The following PPM1H variants were observed in gnomAD, a reference collection of about 807,000 sequenced individuals.
The protein encoded by PPM1H is protein phosphatase 1H.
Under a neutral mutation model 54.9 loss-of-function variants are expected in PPM1H, and 27 were observed. The observed-to-expected ratio is 0.49, with a 90% CI of 0.36 to 0.68. PPM1H has a LOEUF of 0.68. Ranked by LOEUF, PPM1H falls within the 30% of genes least tolerant of loss-of-function variation. The pLI is 0.00. For missense variants in PPM1H, 596 were observed against 667.8 expected (o/e 0.89, Z 1.19); for synonymous variants, 305 against 270.8 (o/e 1.13, Z -1.24).
At chr12:62,734,274 T>C (rs1215929694) in intron 5 of PPM1H, among the ~76,000 whole-genome samples, 5 of 152,186 alleles carry the variant, frequency 3.3e-5, no homozygotes, top group Admixed American at 3.3e-4. Context: ...ATTAATTCTG[T>C]TGTTTATTAA....
At chr12:62,818,170 A>G (rs191570019) in intron 2 of PPM1H, among the ~76,000 whole-genome samples, 2 of 152,310 alleles carry the variant, frequency 1.3e-5, no homozygotes, top group African/African-American at 2.4e-5. Context: ...ATGTAAGTAC[A>G]CGCACTTCTT....
At chr12:62,861,961 C>T (rs1261225359) in intron 1 of PPM1H, among the ~76,000 whole-genome samples, 1 of 152,208 alleles carries the variant, frequency 6.6e-6, no homozygotes, top group Non-Finnish European at 1.5e-5. Flanking sequence ...CAAAATAATG[C>T]TTATGTGCAA....
chr12:62,771,252 G>T (rs1036705733), intron 4 of PPM1H, among the ~76,000 whole-genome samples: 6 of 146,772 alleles, frequency 4.1e-5, no homozygotes, highest in African/African-American at 1.5e-4. Context: ...AGGCTGCCCA[G>T]TGTGTCCCAA....
At chr12:62,717,353 G>A (rs1296254256) in intron 6 of PPM1H, among the ~76,000 whole-genome samples, 1 of 152,140 alleles carries the variant, frequency 6.6e-6, no homozygotes, top group Non-Finnish European at 1.5e-5. Context: ...GCCATTCTCA[G>A]TTGTGGCTCC....
intron 4 of PPM1H, among the ~76,000 whole-genome samples, chr12:62,754,824 CAAATT>C (rs1301702513): frequency 6.6e-6 from 1 of 152,152 alleles, no homozygotes; most frequent in Non-Finnish European, 1.5e-5. Flanking sequence ...TAAAAATAAA[CAAATT>C]AAAAACAGTC....
At chr12:62,728,745 A>G (rs565722015) in intron 5 of PPM1H, among the ~76,000 whole-genome samples, 1 of 152,222 alleles carries the variant, frequency 6.6e-6, no homozygotes, top group East Asian at 1.9e-4. Context: ...CAAGGAAAAA[A>G]GGGTAGCCGG....
chr12:62,792,634 G>C (rs2076707064), intron 3 of PPM1H, among the ~76,000 whole-genome samples: 1 of 152,118 alleles, frequency 6.6e-6, no homozygotes, highest in South Asian at 2.1e-4. Flanking sequence ...CCCCCTGAAG[G>C]ATTCACTGTC....
intron 3 of PPM1H, among the ~76,000 whole-genome samples, chr12:62,789,026 T>C (rs772811759): frequency 1.3e-5 from 2 of 149,390 alleles, no homozygotes; most frequent in Non-Finnish European, 3.0e-5. Context: ...GCGCCCAGCC[T>C]TGTCTTTTTA....
intron 5 of PPM1H, among the ~76,000 whole-genome samples, chr12:62,729,396 G>C (rs557232267): frequency 3.3e-5 from 5 of 152,320 alleles, no homozygotes; most frequent in African/African-American, 9.6e-5. Flanking sequence ...TGCAGACATT[G>C]GCACCAAAGA....
intron 1 of PPM1H, among the ~76,000 whole-genome samples, chr12:62,896,597 A>C (rs1268117981): frequency 1.3e-5 from 2 of 152,196 alleles, no homozygotes; most frequent in African/African-American, 4.8e-5. Context: ...AAGTCAGGAA[A>C]CAACAGGTGC....
At chr12:62,846,054 A>T (rs909024673) in intron 1 of PPM1H, among the ~76,000 whole-genome samples, 4 of 152,164 alleles carry the variant, frequency 2.6e-5, no homozygotes, top group Non-Finnish European at 5.9e-5. Context: ...CACATCCAGC[A>T]GGCACCAATA....
intron 4 of PPM1H, among the ~76,000 whole-genome samples, chr12:62,767,596 C>T (rs537121018): frequency 3.9e-5 from 6 of 152,286 alleles, no homozygotes; most frequent in African/African-American, 1.4e-4. Flanking sequence ...CTTCCAAAGC[C>T]ATCCTGGTTT....
intron 5 of PPM1H, among the ~76,000 whole-genome samples, chr12:62,735,750 G>A (rs2076346313): frequency 6.6e-6 from 1 of 152,206 alleles, no homozygotes; most frequent in Non-Finnish European, 1.5e-5. Flanking sequence ...AGGAGGATTA[G>A]GGGACACTTT....
chr12:62,683,033 T>TTTTTTA lies in PPM1H; in HGVS notation c.1245+6665_1245+6666insTAAAAA, dbSNP rs1491110813. Among the ~76,000 whole-genome samples, 756 of 133,666 alleles carry TTTTTTA rather than the reference T, an allele frequency of 5.7e-3. 2 individuals carry two copies. Among genetic ancestry groups the TTTTTTA allele is most frequent in the Middle Eastern group, 0.023 (6 of 258 alleles). 87.7% of individuals were successfully genotyped at this position (133,666 alleles called of 152,430 possible). The stretch of plus-strand genomic sequence containing the variant: ...ATACTACATTTGGGAGAGTTTATTA[T>TTTTTTA]TTATTATTATTATTATTATTATTAT... On this transcript the variant is annotated intron_variant, in intron 8 of 9. Transcript: ENST00000228705.
chr12:62,867,562 C>CTTTTTTTTTTTTT (rs1481926545), intron 1 of PPM1H, among the ~76,000 whole-genome samples: 2 of 101,870 alleles, frequency 2.0e-5, no homozygotes, highest in South Asian at 3.1e-4. Flanking sequence ...CTTATGAGCA[C>CTTTTTTTTTTTTT]TATTTTTTTT....
chr12:62,854,884 G>A (rs1199660645), intron 1 of PPM1H, among the ~76,000 whole-genome samples: 1 of 152,102 alleles, frequency 6.6e-6, no homozygotes, highest in Non-Finnish European at 1.5e-5. Flanking sequence ...AGAAGAGGGA[G>A]AATAGACCAA....
chr12:62,764,921 G>A lies in PPM1H; in HGVS notation c.869+23305C>T, dbSNP rs1186624693. On this transcript the variant is annotated intron_variant, in intron 4 of 9. Coordinates refer to ENST00000228705, the MANE Select transcript of PPM1H (RefSeq NM_020700.2). ...GGATGCTCGGCCTGTGTGAGGAGCT[G>A]GACAAAGCCATGCGTGCCGCTTAGT... Among the ~76,000 whole-genome samples, 6 of 152,226 alleles carry A rather than the reference G, an allele frequency of 3.9e-5. 1 individual carries two copies. Among genetic ancestry groups the A allele is most frequent in the Admixed American group, 2.6e-4 (4 of 15,282 alleles).
At chr12:62,825,721 A>AG (rs1020654876) in intron 2 of PPM1H, among the ~76,000 whole-genome samples, 7 of 152,102 alleles carry the variant, frequency 4.6e-5, no homozygotes, top group African/African-American at 1.7e-4. Context: ...CATCACACAC[A>AG]GGGGCCTGTC....
chr12:62,878,863 C>T (rs966524787), intron 1 of PPM1H, among the ~76,000 whole-genome samples: 1 of 152,110 alleles, frequency 6.6e-6, no homozygotes, highest in African/African-American at 2.4e-5. Flanking sequence ...TGGCTTGAAT[C>T]CGTAAGGCGG....
Sources: gnomAD v4.1 joint callset for allele counts (sites outside exome capture counted in the v4.1 genomes callset) on GRCh38, gnomAD v4.1.1 for gene constraint, MANE v1.5 for transcripts, NCBI Gene and HGNC (gene_info 2026-07-23, HGNC 2026-07-21) for gene names.